The following KCNH7 variants were observed in gnomAD, a reference collection of about 807,000 sequenced individuals.
The protein encoded by KCNH7 is potassium voltage-gated channel subfamily H member 7, also known as voltage-gated inwardly rectifying potassium channel KCNH7.
Under a neutral mutation model 120.8 loss-of-function variants are expected in KCNH7, and 49 were observed. The ratio of observed to expected loss-of-function variants is 0.41; its 90% confidence interval spans 0.32 to 0.51. KCNH7 has a LOEUF of 0.51. Among genes scored for constraint, KCNH7 ranks in the 20% least tolerant of loss-of-function variants. The probability of loss-of-function intolerance (pLI) is 0.38; values close to 1 mark genes in which losing one functional copy is unlikely to be tolerated. For missense variants in KCNH7, 1,097 were observed against 1,446.6 expected, an observed-to-expected ratio of 0.76 and a Z score of 3.92; for synonymous variants, 547 against 516.1, an observed-to-expected ratio of 1.06 and a Z score of -0.81.
intron 9 of KCNH7, among the ~76,000 whole-genome samples, chr2:162,414,744 T>G (rs931645098): frequency 6.6e-6 from 1 of 151,986 alleles, no homozygotes; most frequent in Admixed American, 6.6e-5. Flanking sequence ...AATTGAAGTA[T>G]AAAAAAATCT....
At position 162,766,904 on chromosome 2, in the gene KCNH7, CATAA is replaced by C. The variant is rs1353470840; in HGVS notation, c.307+69629_307+69632del. On this transcript the variant is annotated intron_variant, in intron 2 of 15. Transcript: ENST00000332142. ...ACACACACACACACACACACACACACATAAACACACATCATTTTTATTTCTACAC... is the reference window on the plus strand; with the variant it reads ...ACACACACACACACACACACACACACACACACATCATTTTTATTTCTACAC... Among the ~76,000 whole-genome samples, 32 of 145,432 alleles carry C rather than the reference CATAA, an allele frequency of 2.2e-4. 1 individual carries two copies. Among genetic ancestry groups the C allele is most frequent in the African/African-American group, 8.2e-4 (31 of 37,714 alleles).
intron 6 of KCNH7, among the ~76,000 whole-genome samples, chr2:162,486,297 A>G (rs1377377028): frequency 1.3e-5 from 2 of 152,152 alleles, no homozygotes; most frequent in African/African-American, 4.8e-5. Context: ...TCTTTGGACT[A>G]TAAATGTGGT....
At chr2:162,659,176 A>C (rs1304118269) in intron 2 of KCNH7, among the ~76,000 whole-genome samples, 2 of 152,176 alleles carry the variant, frequency 1.3e-5, no homozygotes, top group Admixed American at 1.3e-4. Flanking sequence ...ATCATGAGCA[A>C]GTGATAGATT....
chr2:162,546,867 T>C (rs879193252), intron 2 of KCNH7, among the ~76,000 whole-genome samples: 1 of 149,280 alleles, frequency 6.7e-6, no homozygotes, highest in African/African-American at 2.5e-5. Context: ...AAAAAAAGAG[T>C]CCACTCCTGG....
intron 2 of KCNH7, among the ~76,000 whole-genome samples, chr2:162,756,981 T>C (rs1688808665): frequency 6.6e-6 from 1 of 152,140 alleles, no homozygotes. Flanking sequence ...GTCATCAAAA[T>C]ATAATATAAC....
intron 2 of KCNH7, among the ~76,000 whole-genome samples, chr2:162,779,096 A>C (rs1683373129): frequency 6.6e-6 from 1 of 152,184 alleles, no homozygotes; most frequent in East Asian, 1.9e-4. Flanking sequence ...TTGTTGGCAA[A>C]AATTATGGCA....
Position 162,536,911 on chromosome 2 carries a change from T to G in KCNH7, c.463+14A>C, listed in dbSNP as rs1296699714. The G allele has an allele frequency of 6.2e-7, 1 of 1,608,878 alleles. No homozygotes were observed. Among genetic ancestry groups the G allele is most frequent in the South Asian group, 1.1e-5 (1 of 90,740 alleles). ...ATTATCAAGAGCATTGAGTACACAT[T>G]GCCTTTTACTTACGGTTTACAGTTT... On this transcript the variant is annotated intron_variant, in intron 3 of 15. Transcript: ENST00000332142.
chr2:162,675,646 G>C (rs1192351750), intron 2 of KCNH7, among the ~76,000 whole-genome samples: 1 of 151,320 alleles, frequency 6.6e-6, no homozygotes, highest in African/African-American at 2.4e-5. Context: ...TATTACCACT[G>C]ATATGTAATT....
intron 2 of KCNH7, among the ~76,000 whole-genome samples, chr2:162,829,945 C>T (rs1437475401): frequency 6.6e-6 from 1 of 151,550 alleles, no homozygotes; most frequent in Non-Finnish European, 1.5e-5. Flanking sequence ...ACTAGTTACC[C>T]TTCCATATAT....
chr2:162,540,766 G>T (rs953403761), intron 2 of KCNH7, among the ~76,000 whole-genome samples: 5 of 152,030 alleles, frequency 3.3e-5, no homozygotes, highest in South Asian at 2.1e-4. Flanking sequence ...TTATCCAGGG[G>T]TTAGCATGAT....
chr2:162,649,730 G>T (rs541676355), intron 2 of KCNH7, among the ~76,000 whole-genome samples: 1 of 152,138 alleles, frequency 6.6e-6, no homozygotes, highest in African/African-American at 2.4e-5. Flanking sequence ...AATTTTCAGA[G>T]GTTATTTTCA....
chr2:162,752,046 T>C (rs752432003), intron 2 of KCNH7, among the ~76,000 whole-genome samples: 90 of 152,148 alleles, frequency 5.9e-4, no homozygotes, highest in Non-Finnish European at 1.1e-3. Flanking sequence ...TTTTTAAAAA[T>C]ACAAGGCAGT....
Position 162,739,921 on chromosome 2 carries a change from C to T in KCNH7, c.307+96616G>A, listed in dbSNP as rs188402088. Among the ~76,000 whole-genome samples, 9 of 152,176 alleles carry T rather than the reference C, an allele frequency of 5.9e-5. No homozygotes were observed. The East Asian group carries it at 1.7e-3, about 29-fold the overall frequency. ...TATTGATTGAGTCCAAGTTATTACT[C>T]ATTAAAGCACTGTAAATGGGGAGAA... On this transcript the variant is annotated intron_variant, in intron 2 of 15. Coordinates refer to ENST00000332142, the MANE Select transcript of KCNH7 (RefSeq NM_033272.4).
chr2:162,414,560 C>A (rs1455952076), intron 9 of KCNH7, among the ~76,000 whole-genome samples: 6 of 151,586 alleles, frequency 4.0e-5, no homozygotes, highest in African/African-American at 1.5e-4. Context: ...AAGGGAGAAA[C>A]ATGGACTGCA....
intron 2 of KCNH7, among the ~76,000 whole-genome samples, chr2:162,727,040 G>T (rs1412368050): frequency 6.6e-6 from 1 of 152,090 alleles, no homozygotes; most frequent in African/African-American, 2.4e-5. Flanking sequence ...TTTCTTTAAA[G>T]ATCAAAATAT....
intron 9 of KCNH7, among the ~76,000 whole-genome samples, chr2:162,406,532 T>A (rs1019596276): frequency 4.1e-4 from 63 of 151,846 alleles, no homozygotes; most frequent in African/African-American, 1.3e-3. Flanking sequence ...TCTAGGGAAA[T>A]TTTCTGGGTC....
At chr2:162,491,257 G>A (rs1690294670) in intron 6 of KCNH7, among the ~76,000 whole-genome samples, 1 of 152,284 alleles carries the variant, frequency 6.6e-6, no homozygotes, top group Non-Finnish European at 1.5e-5. Flanking sequence ...TTTTCCCCCA[G>A]GCATTGTCCC....
rs538613802 is a variant in KCNH7 at position 162,375,212 on chromosome 2, G to T, written c.3132-1550C>A. Among the ~76,000 whole-genome samples, 3 of 152,260 alleles carry T rather than the reference G, an allele frequency of 2.0e-5. 1 individual carries two copies. The highest frequency in any genetic ancestry group is 2.1e-4 in the South Asian group (1 of 4,828). On this transcript the variant is annotated intron_variant, in intron 14 of 15. Transcript: ENST00000332142. ...TACTAACAGCATTCAGTTGTGAGTG[G>T]CTTACAACAATGTTTATTACATTGA... is the stretch of plus-strand genomic sequence containing the variant.
chr2:162,622,068 T>C (rs1683382840), intron 2 of KCNH7, among the ~76,000 whole-genome samples: 1 of 152,256 alleles, frequency 6.6e-6, no homozygotes, highest in African/African-American at 2.4e-5. Context: ...TCTGTTCTAT[T>C]CATTCTCCTA....
Sources: gnomAD v4.1 joint callset for allele counts (sites outside exome capture counted in the v4.1 genomes callset) on GRCh38, gnomAD v4.1.1 for gene constraint, MANE v1.5 for transcripts, NCBI Gene and HGNC (gene_info 2026-07-23, HGNC 2026-07-21) for gene names.